TUSC3: variants seen among roughly 807,000 people sequenced by gnomAD.
TUSC3 encodes dolichyl-diphosphooligosaccharide--protein glycosyltransferase subunit TUSC3.
Under a neutral mutation model 44.8 loss-of-function variants are expected in TUSC3, and 45 were observed. The ratio of observed to expected loss-of-function variants is 1.00; its 90% CI spans 0.79 to 1.29. TUSC3 has a LOEUF of 1.29. Among genes scored for constraint, TUSC3 ranks in the 50% most tolerant of loss-of-function variants. The probability of loss-of-function intolerance (pLI) is 0.00; values close to 1 mark genes in which losing one functional copy is unlikely to be tolerated. For synonymous variants in TUSC3, 212 were observed against 152.9 expected, an observed-to-expected ratio of 1.39 and a Z score of -2.85; for missense variants, 519 against 437.9, an observed-to-expected ratio of 1.19 and a Z score of -1.65.
chr8:15,642,986 C>A (rs1806449894), intron 2 of TUSC3, among the ~76,000 whole-genome samples: 1 of 151,996 alleles, frequency 6.6e-6, no homozygotes, highest in Non-Finnish European at 1.5e-5. Context: ...TTGACTGTGT[C>A]CCCACACAAA....
intron 3 of TUSC3, among the ~76,000 whole-genome samples, chr8:15,655,580 C>T (rs1248835601): frequency 6.6e-6 from 1 of 152,190 alleles, no homozygotes; most frequent in Non-Finnish European, 1.5e-5. Context: ...CCTCCAAGTG[C>T]ACTTCCTTCT....
chr8:15,463,104 C>G (rs1800368879), intron 1 of TUSC3, among the ~76,000 whole-genome samples: 1 of 151,940 alleles, frequency 6.6e-6, no homozygotes, highest in Non-Finnish European at 1.5e-5. Context: ...GTGTCTCTCT[C>G]TCTGTTTTTC....
intron 6 of TUSC3, among the ~76,000 whole-genome samples, chr8:15,681,793 G>C (rs1030842071): frequency 1.1e-4 from 17 of 151,614 alleles, no homozygotes; most frequent in African/African-American, 2.4e-5. Flanking sequence ...TCTTGATCTA[G>C]GTATTTAACA....
At chr8:15,608,493 G>A (rs1038363250) in intron 1 of TUSC3, among the ~76,000 whole-genome samples, 3 of 152,006 alleles carry the variant, frequency 2.0e-5, no homozygotes, top group Non-Finnish European at 4.4e-5. Flanking sequence ...AAGTTTCTTC[G>A]GAGATTTTTA....
chr8:15,582,642 A>AG (rs1403054258), intron 1 of TUSC3, among the ~76,000 whole-genome samples: 1 of 152,186 alleles, frequency 6.6e-6, no homozygotes, highest in East Asian at 1.9e-4. Flanking sequence ...TCAAGAGGCT[A>AG]GGGGGATAAA....
rs71211045 is a variant in TUSC3 at position 15,494,320 on chromosome 8, C to CTTTTTT, written n.189+10847_189+10852dup. 5.1e-5 allele frequency among the ~76,000 whole-genome samples: 7 copies of CTTTTTT among 136,572 alleles called. 1 individual carries two copies. Among genetic ancestry groups the CTTTTTT allele is most frequent in the Non-Finnish European group, 9.3e-5 (6 of 64,786 alleles). The allele number at this position is 136,572 out of a possible 152,430, so 89.6% of individuals were successfully genotyped here. A position where few individuals can be genotyped will look rare whatever the true frequency, so the allele number is the denominator to read the frequency against. On this transcript the variant is annotated intron_variant and non_coding_transcript_variant, in intron 2 of 5. Transcript: ENST00000503191. Reference sequence around the variant, plus strand: ...CTCCATAGGGCTTATCTCTCATCTTCTTTTTTTTTTTTTTTGAGACAGAGT... The same window carrying CTTTTTT: ...CTCCATAGGGCTTATCTCTCATCTTCTTTTTTTTTTTTTTTTTTTTTGAGACAGAGT...
At chr8:15,455,448 C>T (rs200100598) in intron 1 of TUSC3, among the ~76,000 whole-genome samples, 3 of 43,860 alleles carry the variant, frequency 6.8e-5, no homozygotes, top group Non-Finnish European at 1.1e-4. Flanking sequence ...TGTATACACA[C>T]CTATGTATAC....
intron 1 of TUSC3, among the ~76,000 whole-genome samples, chr8:15,622,381 C>G (rs1805289376): frequency 6.6e-6 from 1 of 151,994 alleles, no homozygotes; most frequent in African/African-American, 2.4e-5. Context: ...GATCCTCCCA[C>G]CTTGGTCTCC....
rs185686445 is a variant in TUSC3 at position 15,466,904 on chromosome 8, G to T, written n.92-16482G>T. ...TTGATAATTGAATATTGTTTCTTTCGTCCTTTTATGTAAAAGATTTCTTTC... is the reference window on the plus strand; with the variant it reads ...TTGATAATTGAATATTGTTTCTTTCTTCCTTTTATGTAAAAGATTTCTTTC... On this transcript the variant is annotated intron_variant and non_coding_transcript_variant, in intron 1 of 5. Transcript: ENST00000503191. 1.5e-4 allele frequency among the ~76,000 whole-genome samples: 23 copies of T among 152,044 alleles called. 1 individual carries two copies. The highest frequency in any genetic ancestry group is 5.1e-4 in the African/African-American group (21 of 41,506).
intron 2 of TUSC3, among the ~76,000 whole-genome samples, chr8:15,495,267 G>A (rs976520542): frequency 1.3e-5 from 2 of 152,118 alleles, no homozygotes; most frequent in Admixed American, 6.5e-5. Flanking sequence ...TTCAGTCTTG[G>A]CTGGAGTAGA....
At chr8:15,521,310 T>G (rs1801294200) in intron 2 of TUSC3, among the ~76,000 whole-genome samples, 1 of 152,140 alleles carries the variant, frequency 6.6e-6, no homozygotes, top group Non-Finnish European at 1.5e-5. Context: ...TCAGGGTTCA[T>G]GCAGTGACAA....
chr8:15,499,513 A>C (rs1800929648), intron 2 of TUSC3, among the ~76,000 whole-genome samples: 1 of 152,204 alleles, frequency 6.6e-6, no homozygotes, highest in South Asian at 2.1e-4. Flanking sequence ...TTTGAAGTTC[A>C]TGTCAATGGA....
At chr8:15,724,122 T>G (rs1465372) in intron 6 of TUSC3, among the ~76,000 whole-genome samples, 6,632 of 152,210 alleles carry the variant, frequency 0.044, 269 homozygotes, top group East Asian at 0.21. Flanking sequence ...TACCTATCTC[T>G]GTCTGCTCAC....
At chr8:15,459,755 A>G (rs1008117420) in intron 1 of TUSC3, among the ~76,000 whole-genome samples, 1 of 152,124 alleles carries the variant, frequency 6.6e-6, no homozygotes, top group African/African-American at 2.4e-5. Flanking sequence ...CTCACTTAGA[A>G]TAATAATCTC....
intron 1 of TUSC3, among the ~76,000 whole-genome samples, chr8:15,461,237 C>G (rs180900182): frequency 1.3e-5 from 2 of 151,960 alleles, no homozygotes; most frequent in African/African-American, 4.8e-5. Flanking sequence ...AGAGGTCTTT[C>G]GCCTCCTTGT....
At chr8:15,473,670 A>C (rs1334289969) in intron 1 of TUSC3, among the ~76,000 whole-genome samples, 1 of 152,210 alleles carries the variant, frequency 6.6e-6, no homozygotes, top group African/African-American at 2.4e-5. Context: ...CCGCAAAACC[A>C]GCAAGTTTTA....
At chr8:15,806,477 G>T in the TUSC3 span, 6 of 899,658 alleles carry the variant, frequency 6.7e-6, no homozygotes, top group Non-Finnish European at 1.1e-5. Flanking sequence ...ATGCAAACAG[G>T]TGTCGACTAT....
downstream of TUSC3, among the ~76,000 whole-genome samples, chr8:15,768,139 G>T (rs991396583): frequency 1.3e-4 from 18 of 140,846 alleles, no homozygotes; most frequent in Non-Finnish European, 2.0e-4. Context: ...AAAGTGGGGA[G>T]AGTATTTTTC....
chr8:15,808,816 T>G, the TUSC3 span, among the ~76,000 whole-genome samples: 1 of 152,092 alleles, frequency 6.6e-6, no homozygotes, highest in Non-Finnish European at 1.5e-5. Context: ...TTGCTAATTG[T>G]GCTTCCAGGG....
Sources: allele counts gnomAD v4.1 joint callset (sites outside exome capture counted in the v4.1 genomes callset), GRCh38; gene constraint gnomAD v4.1.1; transcripts MANE v1.5; gene names NCBI Gene and HGNC (gene_info 2026-07-23, HGNC 2026-07-21).